KCTD16: variants seen among roughly 807,000 people sequenced by gnomAD.
The protein encoded by KCTD16 is potassium channel tetramerization domain containing 16, also known as BTB/POZ domain-containing protein KCTD16.
A neutral mutation model predicts 33.2 loss-of-function variants in KCTD16; 13 were observed. That is an observed-to-expected ratio of 0.39 (90% CI 0.25 to 0.62). The LOEUF (loss-of-function observed/expected upper bound fraction) is 0.62. KCTD16 is among the 20% of genes least tolerant of loss of function. KCTD16 has a pLI of 0.50. For missense variants in KCTD16, 441 were observed against 525.1 expected, an observed-to-expected ratio of 0.84 and a Z score of 1.57; for synonymous variants, 197 against 195.3, an observed-to-expected ratio of 1.01 and a Z score of -0.07.
chr5:144,440,878 A>G (rs766208239), intron 3 of KCTD16, among the ~76,000 whole-genome samples: 4 of 151,354 alleles, frequency 2.6e-5, no homozygotes, highest in Non-Finnish European at 5.9e-5. Flanking sequence ...TCTCCTAATG[A>G]TCTGTCCCCC....
At chr5:144,382,408 A>T (rs1253778600) in intron 3 of KCTD16, among the ~76,000 whole-genome samples, 1 of 152,154 alleles carries the variant, frequency 6.6e-6, no homozygotes, top group African/African-American at 2.4e-5. Flanking sequence ...ATTTTAAAAT[A>T]TAAGAATAAA....
At chr5:144,312,011 C>A (rs1262274841) in intron 3 of KCTD16, among the ~76,000 whole-genome samples, 1 of 152,062 alleles carries the variant, frequency 6.6e-6, no homozygotes, top group African/African-American at 2.4e-5. Flanking sequence ...AAGCCATTTG[C>A]TCCAGATTTC....
intron 2 of KCTD16, among the ~76,000 whole-genome samples, chr5:144,201,208 T>G (rs1007453412): frequency 6.6e-6 from 1 of 152,158 alleles, no homozygotes; most frequent in Non-Finnish European, 1.5e-5. Context: ...CCATGTAGTA[T>G]AAATGAAAGG....
intron 3 of KCTD16, among the ~76,000 whole-genome samples, chr5:144,347,671 G>A (rs541311624): frequency 1.2e-4 from 19 of 152,254 alleles, no homozygotes; most frequent in African/African-American, 4.3e-4. Context: ...GAAGAGGATT[G>A]CAGGCAGAGG....
intron 3 of KCTD16, among the ~76,000 whole-genome samples, chr5:144,295,457 A>T (rs941009583): frequency 5.3e-5 from 8 of 152,200 alleles, no homozygotes; most frequent in African/African-American, 1.9e-4. Context: ...TGAGATTCAG[A>T]CAAACTCCAG....
At chr5:144,260,248 T>C (rs1754968953) in intron 3 of KCTD16, among the ~76,000 whole-genome samples, 1 of 152,180 alleles carries the variant, frequency 6.6e-6, no homozygotes, top group Middle Eastern at 3.2e-3. Context: ...ATTGTGGATA[T>C]GGTCTAGGAT....
At chr5:144,311,011 T>C (rs1751752516) in intron 3 of KCTD16, among the ~76,000 whole-genome samples, 1 of 152,200 alleles carries the variant, frequency 6.6e-6, no homozygotes, top group Non-Finnish European at 1.5e-5. Flanking sequence ...CTAGATTTCC[T>C]AATGCCCATT....
At chr5:144,366,605 C>A (rs1163304008) in intron 3 of KCTD16, among the ~76,000 whole-genome samples, 1 of 152,148 alleles carries the variant, frequency 6.6e-6, no homozygotes, top group East Asian at 1.9e-4. Context: ...GCTGCTATGC[C>A]TGTGACCCTC....
Position 144,361,906 on chromosome 5 carries a change from TTGTGTGTGTGTGTG to T in KCTD16, c.833-111725_833-111712del, listed in dbSNP as rs3996310. 1.0e-3 allele frequency among the ~76,000 whole-genome samples: 150 copies of T among 143,992 alleles called. 1 individual carries two copies. In the East Asian group the frequency reaches 0.023, roughly 22 times the overall value. The allele number at this position is 143,992 out of a possible 152,430, so 94.5% of individuals were successfully genotyped here. ...TTGTTGTTATGAGGCTGGTGTTATT[TTGTGTGTGTGTGTG>T]TGTGTGTGTGTGTGTGTGTGTGTGT... On this transcript the variant is annotated intron_variant, in intron 3 of 3. Transcript: ENST00000512467.
intron 3 of KCTD16, among the ~76,000 whole-genome samples, chr5:144,405,645 T>G (rs1463403062): frequency 6.6e-6 from 1 of 152,204 alleles, no homozygotes; most frequent in Non-Finnish European, 1.5e-5. Context: ...GCTCACCAGA[T>G]AGCTCTGAAC....
At chr5:144,372,666 T>C (rs1751995173) in intron 3 of KCTD16, among the ~76,000 whole-genome samples, 1 of 152,196 alleles carries the variant, frequency 6.6e-6, no homozygotes, top group African/African-American at 2.4e-5. Context: ...AAGGTGGACA[T>C]GCCAGGCAGA....
intron 3 of KCTD16, among the ~76,000 whole-genome samples, chr5:144,415,381 C>A (rs777735945): frequency 1.3e-5 from 2 of 152,044 alleles, no homozygotes; most frequent in African/African-American, 2.4e-5. Context: ...ATTAATGGAA[C>A]CCGAGGATGA....
intron 2 of KCTD16, among the ~76,000 whole-genome samples, chr5:144,179,829 G>C (rs957511398): frequency 6.6e-6 from 1 of 152,172 alleles, no homozygotes; most frequent in Non-Finnish European, 1.5e-5. Context: ...GTTGTTTGTG[G>C]TATTTATTCA....
intron 3 of KCTD16, 53 bp from the exon 4 acceptor site, chr5:144,473,607 C>T: frequency 6.7e-7 from 1 of 1,489,366 alleles, no homozygotes; most frequent in Non-Finnish European, 9.2e-7. Flanking sequence ...TATACTGCTA[C>T]TCCAACTGAC....
intron 3 of KCTD16, among the ~76,000 whole-genome samples, chr5:144,432,083 A>G (rs1242272871): frequency 1.3e-5 from 2 of 152,146 alleles, no homozygotes; most frequent in Non-Finnish European, 2.9e-5. Context: ...CCACTATTCT[A>G]ATGCACCTTG....
At chr5:144,363,173 C>A (rs190728012) in intron 3 of KCTD16, among the ~76,000 whole-genome samples, 3 of 152,214 alleles carry the variant, frequency 2.0e-5, no homozygotes, top group Admixed American at 6.5e-5. Context: ...GAAACCCAAT[C>A]TCTACTAAAA....
At chr5:144,466,171 T>G (rs914970866) in intron 3 of KCTD16, among the ~76,000 whole-genome samples, 2 of 151,942 alleles carry the variant, frequency 1.3e-5, no homozygotes, top group Non-Finnish European at 1.5e-5. Flanking sequence ...AGATATCACA[T>G]ACTGATTGGT....
chr5:144,429,148 C>A (rs1035542883), intron 3 of KCTD16, among the ~76,000 whole-genome samples: 4 of 152,106 alleles, frequency 2.6e-5, no homozygotes, highest in African/African-American at 9.7e-5. Context: ...AAAAGTGGAA[C>A]AGATTGATTT....
chr5:144,253,128 A>G (rs1488324216), intron 3 of KCTD16, among the ~76,000 whole-genome samples: 3 of 152,116 alleles, frequency 2.0e-5, no homozygotes, highest in Non-Finnish European at 2.9e-5. Context: ...CTTCTCCCAA[A>G]TGAAGCCCCC....
Sources: allele counts gnomAD v4.1 joint callset (sites outside exome capture counted in the v4.1 genomes callset), GRCh38; gene constraint gnomAD v4.1.1; transcripts MANE v1.5; gene names NCBI Gene and HGNC (gene_info 2026-07-23, HGNC 2026-07-21).